Variants in MMP24 observed in about 807,000 individuals in gnomAD.
The protein encoded by MMP24 is matrix metalloproteinase-24.
Under a neutral mutation model 62.8 loss-of-function variants are expected in MMP24, and 25 were observed. The observed-to-expected ratio is 0.40, with a 90% CI of 0.29 to 0.56. MMP24 has a LOEUF of 0.56. Ranked by LOEUF, MMP24 falls within the 20% of genes least tolerant of loss-of-function variation. The pLI is 0.50. For synonymous variants in MMP24, 319 were observed against 350.5 expected, an observed-to-expected ratio of 0.91 and a Z score of 1.00; for missense variants, 634 against 853.6, an observed-to-expected ratio of 0.74 and a Z score of 3.21.
rs1433340725 is a variant in MMP24, at chr20:35,254,562, C to A, written c.625C>A (p.His209Asn). Reference sequence around the variant, plus strand: ...ACTGACCTTTGAAGAGGTGCCATACCATGAGATCAAAAGTGACCGGAAGGA... The same window carrying A: ...ACTGACCTTTGAAGAGGTGCCATACAATGAGATCAAAAGTGACCGGAAGGA... ...TPLTFEEVPY[H>N]EIKSDRKEAD... Residue 209 changes from histidine (H) to asparagine (N), a missense_variant, in exon 4 of 9, where the codon CAT becomes AAT. His to Asn is a moderately conservative substitution (Grantham distance 68). This residue lies in a region of MMP24 where 212 missense variants were observed against 259.6 expected (regional missense o/e 0.82). Coordinates refer to ENST00000246186, the MANE Select transcript of MMP24 (RefSeq NM_006690.4). 1 of 1,613,908 alleles carries A rather than the reference C, an allele frequency of 6.2e-7. No homozygotes were observed. The highest frequency in any genetic ancestry group is 8.5e-7 in the Non-Finnish European group (1 of 1,179,902).
At position 35,274,451 on chromosome 20, in the gene MMP24, A is replaced by C. The variant is rs2060691944; in HGVS notation, c.1780A>C (p.Asn594His). The change falls in exon 9 of 9, where the codon AAC becomes CAC. Residue 594 changes from asparagine to histidine, a missense_variant. Coordinates refer to ENST00000246186, the MANE Select transcript of MMP24 (RefSeq NM_006690.4). This position sits in a 1 kb window ranked among gnomAD's most constrained non-coding sequence, Gnocchi z 5.1. Reference protein sequence around the residue: ...QDDVDIMVTINDVPGSVNAVA... With the variant: ...QDDVDIMVTIHDVPGSVNAVA... ...CGACGTGGACATCATGGTGACCATC[A>C]ACGATGTGCCGGGCTCCGTGAACGC... 5 of 1,613,862 alleles carry C rather than the reference A, an allele frequency of 3.1e-6. No homozygotes were observed. Among genetic ancestry groups the C allele is most frequent in the Non-Finnish European group, 4.2e-6 (5 of 1,179,876 alleles).
At chr20:35,266,175 TAAAA>T (rs35806814) in intron 5 of MMP24, among the ~76,000 whole-genome samples, 1 of 43,016 alleles carries the variant, frequency 2.3e-5, no homozygotes. Context: ...CCATCTCTGC[TAAAA>T]AAAAAAAAAA....
Position 35,275,957 on chromosome 20 carries a change from G to A in MMP24, c.*1348G>A, listed in dbSNP as rs541224121. 2.9e-4 allele frequency: 117 copies of A among 398,614 alleles called. No individual in the cohort carries two copies. The highest frequency in any genetic ancestry group is 1.9e-3 in the South Asian group (15 of 7,818). 24.7% of individuals were successfully genotyped at this position (398,614 alleles called of 1,614,324 possible). On this transcript the variant is annotated 3_prime_UTR_variant, in exon 9 of 9. Transcript: ENST00000246186. ...GGCCTGCCTTGCTCCACAGTACGGC[G>A]GAGGCAGCCCTGCTTGTCACTGAGG...
Position 35,268,794 on chromosome 20 carries a change from A to G in MMP24, c.1195-966A>G, listed in dbSNP as rs577104068. 2.7e-3 allele frequency among the ~76,000 whole-genome samples: 405 copies of G among 152,218 alleles called. 13 individuals carry two copies. The highest frequency in any genetic ancestry group is 8.4e-3 in the African/African-American group (348 of 41,540). The stretch of plus-strand genomic sequence containing the variant: ...TGCAATCCCAACACTTTGGGAGGCC[A>G]AGGAGGGCGGATCATAAGGTCAGGA... On this transcript the variant is annotated intron_variant, in intron 6 of 8. Coordinates refer to ENST00000246186, the MANE Select transcript of MMP24 (RefSeq NM_006690.4).
intron 4 of MMP24, among the ~76,000 whole-genome samples, chr20:35,259,403 G>A (rs1189812457): frequency 5.3e-5 from 8 of 152,102 alleles, no homozygotes; most frequent in African/African-American, 1.7e-4. Flanking sequence ...TTGTCCTCAA[G>A]GAACCCACAG....
intron 1 of MMP24, 98 bp from the exon 2 acceptor site, chr20:35,246,742 G>C (rs1208979387): frequency 7.1e-7 from 1 of 1,401,284 alleles, no homozygotes; most frequent in Non-Finnish European, 1.0e-6. Flanking sequence ...AGGAGTCACT[G>C]GGGTCAAATG....
At position 35,274,396 on chromosome 20, in the gene MMP24, G is replaced by C. The variant is rs1274491742; in HGVS notation, c.1725G>C (p.Glu575Asp). ...TGGGCTGCAACCAGAAGGAGGTGGA[G>C]CGGCGGAAGGAGCGGCGGCTGCCCC... ...DWMGCNQKEVERRKERRLPQD... is the reference protein window; with the variant it reads ...DWMGCNQKEVDRRKERRLPQD... The change falls in exon 9 of 9, where the codon GAG (glutamate) becomes GAC (aspartate). Residue 575 changes from glutamate (E) to aspartate (D), a missense_variant. Coordinates refer to ENST00000246186, the MANE Select transcript of MMP24 (RefSeq NM_006690.4). The surrounding 1 kb of genome is among the most constrained non-coding windows in gnomAD (Gnocchi z 5.1). 1 of 1,613,834 alleles carries C rather than the reference G, an allele frequency of 6.2e-7. No individual in the cohort carries two copies. Among genetic ancestry groups the C allele is most frequent in the East Asian group, 2.2e-5 (1 of 44,896 alleles).
At chr20:35,265,845 G>C (rs551249289) in intron 5 of MMP24, among the ~76,000 whole-genome samples, 1 of 152,228 alleles carries the variant, frequency 6.6e-6, no homozygotes, top group South Asian at 2.1e-4. Flanking sequence ...GGCTACTGTA[G>C]TGAACGATGC....
Position 35,226,805 on chromosome 20 carries a change from G to A in MMP24, c.67G>A (p.Ala23Thr). The A allele has an allele frequency of 1.0e-6, 1 of 976,522 alleles. No individual in the cohort carries two copies. The highest frequency in any genetic ancestry group is 1.2e-6 in the Non-Finnish European group (1 of 825,594). 60.5% of individuals were successfully genotyped at this position (976,522 alleles called of 1,614,324 possible). A position where few individuals can be genotyped will look rare whatever the true frequency, so the allele number is the denominator to read the frequency against. ...PPPPPPPPGQ[A>T]PRWSRWRVPG... ...GCCGCCGCCGCCGCCGCCGGGCCAG[G>A]CCCCGCGCTGGAGCCGCTGGCGGGT... Residue 23 changes from alanine (A) to threonine (T), a missense_variant, in exon 1 of 9, where the codon GCC (alanine) becomes ACC (threonine). By Grantham distance (58) the Ala-to-Thr change is moderately conservative. Coordinates refer to ENST00000246186, the MANE Select transcript of MMP24 (RefSeq NM_006690.4).
intron 1 of MMP24, among the ~76,000 whole-genome samples, chr20:35,245,374 C>T (rs2060508962): frequency 6.6e-6 from 1 of 152,162 alleles, no homozygotes; most frequent in African/African-American, 2.4e-5. Context: ...TAACATCTAA[C>T]TATACTTACT....
intron 5 of MMP24, among the ~76,000 whole-genome samples, chr20:35,264,730 A>G (rs1317856346): frequency 2.0e-5 from 3 of 147,022 alleles, no homozygotes; most frequent in African/African-American, 7.9e-5. Context: ...AAAAAAAAAA[A>G]AAAAAAAAGA....
At chr20:35,251,485 A>C (rs899157682) in intron 2 of MMP24, among the ~76,000 whole-genome samples, 3 of 152,174 alleles carry the variant, frequency 2.0e-5, no homozygotes, top group Admixed American at 1.3e-4. Flanking sequence ...TAACCAGGGC[A>C]TCCTGTAATC....
rs1422995407 is a variant in MMP24, at chr20:35,276,467, A to G, written c.*1858A>G. ...CCGTGCCCTCAGATGAAGCACAGAG[A>G]GGTTGTTACTTGCCCGGGCCATCCA... is the stretch of plus-strand genomic sequence containing the variant. On this transcript the variant is annotated 3_prime_UTR_variant, in exon 9 of 9. Transcript: ENST00000246186. 5.0e-6 allele frequency: 2 copies of G among 396,520 alleles called. No homozygotes were observed. Among genetic ancestry groups the G allele is most frequent in the East Asian group, 7.1e-5 (2 of 27,978 alleles). The allele number at this position is 396,520 out of a possible 1,614,324, so 24.6% of individuals were successfully genotyped here.
intron 8 of MMP24, among the ~76,000 whole-genome samples, chr20:35,272,439 T>C (rs1293610376): frequency 1.3e-5 from 2 of 152,200 alleles, no homozygotes; most frequent in South Asian, 4.1e-4. Flanking sequence ...GGTTTCACTA[T>C]GTTGGCCAGG....
chr20:35,251,827 G>A, intron 2 of MMP24, 78 bp from the exon 3 acceptor site: 1 of 1,172,144 alleles, frequency 8.5e-7, no homozygotes, highest in Non-Finnish European at 1.3e-6. Flanking sequence ...GACTGGAGCT[G>A]GGGAATAGGC....
At chr20:35,229,744 G>A (rs146513728) in intron 1 of MMP24, among the ~76,000 whole-genome samples, 3 of 151,942 alleles carry the variant, frequency 2.0e-5, no homozygotes, top group Non-Finnish European at 2.9e-5. Flanking sequence ...ATCCTTACTC[G>A]ACAAGCTCAT....
In MMP24 at chr20:35,267,234, A is replaced by G. The variant is rs997170560; in HGVS notation, c.1009A>G (p.Arg337Gly). The G allele has an allele frequency of 4.4e-6, 7 of 1,603,230 alleles. No individual in the cohort carries two copies. In the African/African-American group the frequency reaches 5.4e-5, roughly 12 times the overall value. The change falls in exon 6 of 9, where the codon AGG (arginine) becomes GGG (glycine). Residue 337 changes from arginine (R) to glycine (G), a missense_variant. Physicochemically the swap from Arg to Gly is moderately radical, Grantham distance 125. Coordinates refer to ENST00000246186, the MANE Select transcript of MMP24 (RefSeq NM_006690.4). Reference sequence around the variant, plus strand: ...CCCAGCCGAGCCTCTGGAGCCCACAAGGCCACTCCCTACACTCCCCGTCCG... The same window carrying G: ...CCCAGCCGAGCCTCTGGAGCCCACAGGGCCACTCCCTACACTCCCCGTCCG... ...GPPAEPLEPT[R>G]PLPTLPVRRI...
intron 1 of MMP24, among the ~76,000 whole-genome samples, chr20:35,245,091 A>T (rs1183683977): frequency 6.6e-6 from 1 of 152,148 alleles, no homozygotes; most frequent in Non-Finnish European, 1.5e-5. Context: ...CAGTGGCATG[A>T]TCATGTCTCA....
intron 1 of MMP24, among the ~76,000 whole-genome samples, chr20:35,237,497 CCTTAA>C (rs1267356269): frequency 1.3e-5 from 2 of 152,210 alleles, no homozygotes; most frequent in Non-Finnish European, 2.9e-5. Context: ...ATCTGAAGAT[CCTTAA>C]CTTAATCATT....
Sources: gnomAD v4.1 joint callset for allele counts (sites outside exome capture counted in the v4.1 genomes callset) on GRCh38, gnomAD v4.1.1 for gene constraint, gnomAD v4.1.1 regional missense constraint, Gnocchi (gnomAD v3.1) non-coding constraint, MANE v1.5 for transcripts, NCBI Gene and HGNC (gene_info 2026-07-23, HGNC 2026-07-21) for gene names.